Variants in XYLT1 observed in about 807,000 individuals in gnomAD.
XYLT1 encodes beta-D-xylosyltransferase 1.
XYLT1 carries 36 observed loss-of-function variants against 91.3 expected under a neutral mutation model. The observed-to-expected ratio is 0.39, with a 90% CI of 0.30 to 0.52. The LOEUF (loss-of-function observed/expected upper bound fraction) is 0.52, where lower values mean the gene tolerates loss of function less well. XYLT1 is among the 20% of genes least tolerant of loss of function. The pLI is 0.68. For synonymous variants in XYLT1, 588 were observed against 532.0 expected, an observed-to-expected ratio of 1.11 and a Z score of -1.45; for missense variants, 1,242 against 1,284.5, an observed-to-expected ratio of 0.97 and a Z score of 0.51.
intron 6 of XYLT1, among the ~76,000 whole-genome samples, chr16:17,149,003 A>G (rs971882413): frequency 6.6e-6 from 1 of 152,224 alleles, no homozygotes; most frequent in Non-Finnish European, 1.5e-5. Context: ...ATTTTTACCT[A>G]TTAGCACACT....
At chr16:17,229,384 C>A (rs2033124182) in intron 3 of XYLT1, among the ~76,000 whole-genome samples, 1 of 152,288 alleles carries the variant, frequency 6.6e-6, no homozygotes, top group South Asian at 2.1e-4. Flanking sequence ...TGTAGTTACA[C>A]CTAGATCACA....
rs564473718 is a variant in XYLT1, at chr16:17,377,132, G to A, written c.364-19082C>T. Among the ~76,000 whole-genome samples, 69 of 145,260 alleles carry A rather than the reference G, an allele frequency of 4.8e-4. 2 individuals are homozygous for A. In the South Asian group the frequency reaches 0.013, roughly 27 times the overall value. ...GTGGAGGGTGCAGTGAGCCAAGATC[G>A]CACCACTGCACTCCAGCCTAGGTGA... On this transcript the variant is annotated intron_variant, in intron 1 of 11. Coordinates refer to ENST00000261381, the MANE Select transcript of XYLT1 (RefSeq NM_022166.4).
At chr16:17,402,649 G>A (rs577329562) in intron 1 of XYLT1, among the ~76,000 whole-genome samples, 12 of 152,206 alleles carry the variant, frequency 7.9e-5, no homozygotes, top group Admixed American at 7.8e-4. Flanking sequence ...CTAAATGGAA[G>A]GTGAAAATGC....
intron 11 of XYLT1, among the ~76,000 whole-genome samples, chr16:17,113,770 C>T (rs1966846910): frequency 6.6e-6 from 1 of 152,244 alleles, no homozygotes; most frequent in Non-Finnish European, 1.5e-5. Context: ...TGTCATGCTT[C>T]AGTCATGGGT....
At chr16:17,458,530 G>C (rs2036774162) in intron 1 of XYLT1, among the ~76,000 whole-genome samples, 1 of 152,086 alleles carries the variant, frequency 6.6e-6, no homozygotes, top group East Asian at 1.9e-4. Flanking sequence ...CTTTCCAAGG[G>C]ACCCAGAGCA....
At chr16:17,195,472 A>G (rs780372173) in intron 5 of XYLT1, among the ~76,000 whole-genome samples, 1 of 150,526 alleles carries the variant, frequency 6.6e-6, no homozygotes, top group Non-Finnish European at 1.5e-5. Flanking sequence ...TTTGAGATAG[A>G]GTCTTGCTGT....
rs774436763 is a variant in XYLT1 at position 17,117,988 on chromosome 16, G to A, written c.2224-9C>T. 2.5e-6 allele frequency: 4 copies of A among 1,602,150 alleles called. No individual in the cohort carries two copies. The highest frequency in any genetic ancestry group is 3.4e-6 in the Non-Finnish European group (4 of 1,171,540). On this transcript the variant is annotated splice_polypyrimidine_tract_variant and intron_variant, in intron 10 of 11. Transcript: ENST00000261381. ...TCCCAGTCAGTGCCGACCTGAAACA[G>A]GGGAGTGAATTCTGAAGTCACTGGG...
At chr16:17,461,141 T>C (rs1206756203) in intron 1 of XYLT1, among the ~76,000 whole-genome samples, 1 of 152,108 alleles carries the variant, frequency 6.6e-6, no homozygotes, top group Non-Finnish European at 1.5e-5. Flanking sequence ...ATTTCCAGGG[T>C]TGTTTCATGA....
At chr16:17,458,529 G>A (rs142309676) in intron 1 of XYLT1, among the ~76,000 whole-genome samples, 1 of 152,062 alleles carries the variant, frequency 6.6e-6, no homozygotes, top group Non-Finnish European at 1.5e-5. Flanking sequence ...CCTTTCCAAG[G>A]GACCCAGAGC....
rs1189485930 is a variant in XYLT1 at position 17,212,240 on chromosome 16, C to T, written c.914-11586G>A. 2.6e-5 allele frequency among the ~76,000 whole-genome samples: 4 copies of T among 152,198 alleles called. 1 individual carries two copies. The South Asian group carries it at 8.3e-4, about 31-fold the overall frequency. The stretch of plus-strand genomic sequence containing the variant: ...TCTCCAGGTGATTGTGATACAGGCT[C>T]ATGTTTGCCTAGGCCAGTGGTTCTT... On this transcript the variant is annotated intron_variant, in intron 3 of 11. Coordinates refer to ENST00000261381, the MANE Select transcript of XYLT1 (RefSeq NM_022166.4).
At chr16:17,142,021 C>CT (rs1375759008) in intron 6 of XYLT1, among the ~76,000 whole-genome samples, 5 of 152,138 alleles carry the variant, frequency 3.3e-5, no homozygotes, top group Admixed American at 3.3e-4. Flanking sequence ...CTCCTGCCTC[C>CT]AGCTCCTGAG....
intron 3 of XYLT1, among the ~76,000 whole-genome samples, chr16:17,236,828 C>T (rs541457936): frequency 1.4e-4 from 22 of 152,226 alleles, no homozygotes; most frequent in South Asian, 6.2e-4. Context: ...TCTTTTTATA[C>T]GGACACAGTC....
Position 17,254,999 on chromosome 16 carries a change from T to TC in XYLT1, c.913+3988_913+3989insG, listed in dbSNP as rs1271211795. Among the ~76,000 whole-genome samples the TC allele has an allele frequency of 2.8e-5, 4 of 143,664 alleles. No homozygotes were observed. The East Asian group carries it at 5.9e-4, about 21-fold the overall frequency. The allele number at this position is 143,664 out of a possible 152,430, so 94.2% of individuals were successfully genotyped here. A position where few individuals can be genotyped will look rare whatever the true frequency, so the allele number is the denominator to read the frequency against. ...TCTTTTTCCTTTTTTTCTTTTTCTTTTTTTTTTTTTTTTTTGAGATGGAGT... is the reference window on the plus strand; with the variant it reads ...TCTTTTTCCTTTTTTTCTTTTTCTTTCTTTTTTTTTTTTTTTGAGATGGAGT... On this transcript the variant is annotated intron_variant, in intron 3 of 11. Coordinates refer to ENST00000261381, the MANE Select transcript of XYLT1 (RefSeq NM_022166.4).
chr16:17,299,642 A>G (rs2034364972), intron 2 of XYLT1, among the ~76,000 whole-genome samples: 1 of 152,090 alleles, frequency 6.6e-6, no homozygotes, highest in Admixed American at 6.6e-5. Context: ...TGCCATAGAG[A>G]CTTACCAGCA....
chr16:17,251,137 T>A (rs374325758), intron 3 of XYLT1: 2 of 152,338 alleles, frequency 1.3e-5, no homozygotes, highest in East Asian at 3.9e-4. Context: ...CAGCTGGCAG[T>A]ATCATCTGCC....
intron 1 of XYLT1, among the ~76,000 whole-genome samples, chr16:17,393,783 TA>T (rs2035850686): frequency 6.6e-6 from 1 of 151,450 alleles, no homozygotes; most frequent in Admixed American, 6.6e-5. Context: ...TTATTATTAT[TA>T]TTATTTTTTG....
At chr16:17,138,612 G>T in intron 7 of XYLT1, 81 bp from the exon 8 acceptor site, 1 of 1,520,314 alleles carries the variant, frequency 6.6e-7, no homozygotes, top group Non-Finnish European at 9.0e-7. Context: ...GTGAACCCTT[G>T]CTCTGAGTTC....
intron 5 of XYLT1, among the ~76,000 whole-genome samples, chr16:17,196,807 A>T (rs1026704646): frequency 5.3e-5 from 8 of 151,786 alleles, no homozygotes; most frequent in Non-Finnish European, 2.9e-5. Flanking sequence ...GATGGCTCAC[A>T]CCTATAATCC....
intron 3 of XYLT1, among the ~76,000 whole-genome samples, chr16:17,237,702 T>C (rs1197471490): frequency 6.6e-6 from 1 of 152,204 alleles, no homozygotes; most frequent in Admixed American, 6.5e-5. Flanking sequence ...TGGGCCTAGT[T>C]CTGCTTCCTG....
Sources: allele counts gnomAD v4.1 joint callset (sites outside exome capture counted in the v4.1 genomes callset), GRCh38; gene constraint gnomAD v4.1.1; transcripts MANE v1.5; gene names NCBI Gene and HGNC (gene_info 2026-07-23, HGNC 2026-07-21).